The following NCOA2 variants were observed in gnomAD, a reference collection of about 807,000 sequenced individuals.
NCOA2 encodes the protein class E basic helix-loop-helix protein 75.
A neutral mutation model predicts 145.1 loss-of-function variants in NCOA2; 21 were observed. The ratio of observed to expected loss-of-function variants is 0.14; its 90% CI spans 0.10 to 0.21. NCOA2 has a LOEUF of 0.21. Ranked by LOEUF, NCOA2 falls within the 10% of genes least tolerant of loss-of-function variation. The pLI is 1.00. For synonymous variants in NCOA2, 619 were observed against 637.5 expected (o/e 0.97, Z 0.44); for missense variants, 1,472 against 1,837.6 (o/e 0.80, Z 3.64).
chr8:70,290,834 T>C (rs1826624694), intron 2 of NCOA2, among the ~76,000 whole-genome samples: 1 of 151,218 alleles, frequency 6.6e-6, no homozygotes, highest in African/African-American at 2.4e-5. Flanking sequence ...AACTATAAGG[T>C]GTTTGATGGA....
At chr8:70,193,066 A>C (rs1816867905) in intron 4 of NCOA2, among the ~76,000 whole-genome samples, 1 of 147,816 alleles carries the variant, frequency 6.8e-6, no homozygotes, top group Non-Finnish European at 1.5e-5. Flanking sequence ...GACTCTATTA[A>C]AAAAAAAAAA....
chr8:70,230,355 GT>G (rs1466900515), intron 2 of NCOA2, among the ~76,000 whole-genome samples: 1 of 152,168 alleles, frequency 6.6e-6, no homozygotes, highest in Non-Finnish European at 1.5e-5. Context: ...TGAGTACAGG[GT>G]TTCTTTTGGG....
chr8:70,138,183 C>G lies in NCOA2; in HGVS notation c.3158+20G>C. ...GGACAGGTATAAAATAACTGGCTAC[C>G]CTAGGTGCTCAGGACTCACCTGTTT... On this transcript the variant is annotated intron_variant, in intron 15 of 22. Transcript: ENST00000452400. 6.3e-7 allele frequency: 1 copy of G among 1,599,696 alleles called. No homozygotes were observed. The highest frequency in any genetic ancestry group is 1.1e-5 in the South Asian group (1 of 88,384).
At chr8:70,172,435 A>G (rs1276550991) in intron 5 of NCOA2, among the ~76,000 whole-genome samples, 1 of 152,196 alleles carries the variant, frequency 6.6e-6, no homozygotes, top group African/African-American at 2.4e-5. Context: ...TTCTATTTTA[A>G]TCACAAAACT....
chr8:70,188,685 G>A (rs1194983826), intron 4 of NCOA2, among the ~76,000 whole-genome samples: 1 of 152,024 alleles, frequency 6.6e-6, no homozygotes, highest in Non-Finnish European at 1.5e-5. Flanking sequence ...TCTGAAAAGT[G>A]GAATGAACAG....
intron 1 of NCOA2, among the ~76,000 whole-genome samples, chr8:70,383,659 C>G (rs548543715): frequency 6.6e-6 from 1 of 152,238 alleles, no homozygotes; most frequent in South Asian, 2.1e-4. Flanking sequence ...GCATACACCA[C>G]CACACCTGGC....
At chr8:70,223,936 A>G (rs1195483611) in intron 2 of NCOA2, among the ~76,000 whole-genome samples, 2 of 152,252 alleles carry the variant, frequency 1.3e-5, no homozygotes, top group Non-Finnish European at 2.9e-5. Context: ...AACAGTGACT[A>G]TGTAATTTGA....
chr8:70,395,051 A>G (rs1351686777), intron 1 of NCOA2, among the ~76,000 whole-genome samples: 2 of 152,224 alleles, frequency 1.3e-5, no homozygotes, highest in African/African-American at 2.4e-5. Context: ...CATGATCTAC[A>G]TACATGAAAT....
the NCOA2 span, among the ~76,000 whole-genome samples, chr8:70,446,587 T>A: frequency 6.6e-6 from 1 of 152,186 alleles, no homozygotes; most frequent in South Asian, 2.1e-4. Context: ...TTTGTTTTCA[T>A]CCCTAATTTT....
At chr8:70,246,765 A>G (rs1822661967) in intron 2 of NCOA2, among the ~76,000 whole-genome samples, 1 of 152,078 alleles carries the variant, frequency 6.6e-6, no homozygotes, top group African/African-American at 2.4e-5. Flanking sequence ...TTCTGTTTCT[A>G]TGAGTTTGAG....
rs764281549 is a variant in NCOA2 at position 70,124,717 on chromosome 8, T to C, written c.4065A>G (p.Gly1355=). 12 of 1,612,064 alleles carry C rather than the reference T, an allele frequency of 7.4e-6. No individual in the cohort carries two copies. In the East Asian group the frequency reaches 8.9e-5, roughly 12 times the overall value. The change falls in exon 20 of 23, where the codon GGA becomes GGG. Residue 1355 remains glycine (G), a synonymous_variant. Coordinates refer to ENST00000452400, the MANE Select transcript of NCOA2 (RefSeq NM_006540.4). ...PAYQAPSDIN[G]WAQGNMGGNS... ...TTCCGCCCATGTTCCCCTGCGCCCA[T>C]CCATTTATGTCGGAGGGGGCCTGAT... is the stretch of plus-strand genomic sequence containing the variant.
chr8:70,118,543 T>C (rs1807404411), intron 22 of NCOA2, among the ~76,000 whole-genome samples: 1 of 152,176 alleles, frequency 6.6e-6, no homozygotes, highest in Non-Finnish European at 1.5e-5. Context: ...GCATGGAGAA[T>C]ATGCACACAG....
chr8:70,322,716 T>C (rs1766952017), intron 1 of NCOA2, among the ~76,000 whole-genome samples: 1 of 152,192 alleles, frequency 6.6e-6, no homozygotes, highest in Admixed American at 6.6e-5. Flanking sequence ...CTTGTTAAGT[T>C]TTTAACAGAA....
intron 3 of NCOA2, 56 bp downstream of exon 3, chr8:70,216,604 G>A: frequency 4.5e-6 from 6 of 1,346,488 alleles, no homozygotes; most frequent in South Asian, 1.2e-5. Flanking sequence ...TAACAAAGAA[G>A]CACTCATGTG....
intron 15 of NCOA2, among the ~76,000 whole-genome samples, chr8:70,134,485 T>C (rs576836787): frequency 1.9e-4 from 29 of 152,338 alleles, no homozygotes; most frequent in East Asian, 3.9e-4. Flanking sequence ...CTTGTTTCTT[T>C]GGAAGCTGCA....
At chr8:70,307,279 T>C (rs762915539) in intron 1 of NCOA2, among the ~76,000 whole-genome samples, 9 of 135,466 alleles carry the variant, frequency 6.6e-5, no homozygotes, top group Non-Finnish European at 1.1e-4. Context: ...TAAAAGACAG[T>C]GAAGAAAAAA....
rs111931188 is a variant in NCOA2, at chr8:70,121,470, C to G, written c.4294-79G>C. 2.6e-5 allele frequency: 29 copies of G among 1,120,098 alleles called. 1 individual carries two copies. The highest frequency in any genetic ancestry group is 2.0e-4 in the Middle Eastern group (1 of 5,084). The allele number at this position is 1,120,098 out of a possible 1,614,324, so 69.4% of individuals were successfully genotyped here. On this transcript the variant is annotated intron_variant, in intron 21 of 22. Transcript: ENST00000452400. ...CACTGGAAAACAAGTGGCCGCCGCC[C>G]TTCCTCTGTTTTTAGGGGTGTAAAA...
intron 2 of NCOA2, among the ~76,000 whole-genome samples, chr8:70,287,891 A>G (rs1347027555): frequency 1.3e-5 from 2 of 152,122 alleles, no homozygotes; most frequent in African/African-American, 4.8e-5. Context: ...TTTATTTTGA[A>G]AATTACTAGT....
rs557097106 is a variant in NCOA2, at chr8:70,403,608, G to A, written c.-77+92C>T. 582 of 321,998 alleles carry A rather than the reference G, an allele frequency of 1.8e-3. 5 individuals are homozygous for A. The highest frequency in any genetic ancestry group is 0.014 in the African/African-American group (550 of 38,602). The allele number at this position is 321,998 out of a possible 1,614,324, so 19.9% of individuals were successfully genotyped here. On this transcript the variant is annotated intron_variant, in intron 1 of 22. Coordinates refer to ENST00000452400, the MANE Select transcript of NCOA2 (RefSeq NM_006540.4). Reference sequence around the variant, plus strand: ...GCTCTGTCGGAGCTCGGCGCAGGAAGGGCAGTCGCGGCCGGGGGTGGGGAC... The same window carrying A: ...GCTCTGTCGGAGCTCGGCGCAGGAAAGGCAGTCGCGGCCGGGGGTGGGGAC...
Sources: gnomAD v4.1 joint callset for allele counts (sites outside exome capture counted in the v4.1 genomes callset) on GRCh38, gnomAD v4.1.1 for gene constraint, MANE v1.5 for transcripts, NCBI Gene and HGNC (gene_info 2026-07-23, HGNC 2026-07-21) for gene names.